Variants in ATOSB observed in about 807,000 individuals in gnomAD.
ATOSB encodes the protein atos homolog protein B.
the ATOSB span, chr9:35,105,977 C>G: frequency 6.2e-7 from 1 of 1,614,048 alleles, no homozygotes; most frequent in South Asian, 1.1e-5. This position sits in a 1 kb window ranked among gnomAD's most constrained non-coding sequence, Gnocchi z 5.5. Context: ...CGCTGTAACC[C>G]TTCCTCCCCA....
At chr9:35,114,583 G>A in the ATOSB span, among the ~76,000 whole-genome samples, 1 of 152,218 alleles carries the variant, frequency 6.6e-6, no homozygotes, top group African/African-American at 2.4e-5. Context: ...GCCCTCAAGA[G>A]AACTAGGTCC....
the ATOSB span, chr9:35,107,858 C>G: frequency 6.3e-7 from 1 of 1,598,136 alleles, no homozygotes; most frequent in East Asian, 2.2e-5. Flanking sequence ...GACTCCAGGC[C>G]CCCGAAGTCC....
the ATOSB span, chr9:35,115,975 A>T: frequency 1.4e-5 from 2 of 141,048 alleles, no homozygotes; most frequent in South Asian, 2.3e-4. Flanking sequence ...CCTTCTGTGG[A>T]CTTGTCCCTT....
chr9:35,106,433 A>C, the ATOSB span: 42 of 1,613,990 alleles, frequency 2.6e-5, no homozygotes, highest in Non-Finnish European at 3.6e-5. This position sits in a 1 kb window ranked among gnomAD's most constrained non-coding sequence, Gnocchi z 4.6. Flanking sequence ...TAGGGAAAAC[A>C]CATGAAGAGA....
At chr9:35,107,036 A>T in the ATOSB span, 1 of 758,946 alleles carries the variant, frequency 1.3e-6, no homozygotes, top group Non-Finnish European at 2.2e-6. Flanking sequence ...AGAGTACATG[A>T]AGGACAGGCG....
At chr9:35,115,187 A>C in the ATOSB span, among the ~76,000 whole-genome samples, 1 of 152,046 alleles carries the variant, frequency 6.6e-6, no homozygotes, top group East Asian at 1.9e-4. Context: ...GGACAGATCC[A>C]AAATAGACTG....
chr9:35,108,783 G>A, the ATOSB span: 18 of 677,250 alleles, frequency 2.7e-5, no homozygotes, highest in Non-Finnish European at 3.1e-5. Context: ...TGGAGCCAGC[G>A]GTAAGGCCTG....
At chr9:35,115,690 G>C in the ATOSB span, 3 of 149,130 alleles carry the variant, frequency 2.0e-5, no homozygotes, top group Non-Finnish European at 3.0e-5. Context: ...CACACATTGA[G>C]TCCCCAACTG....
chr9:35,106,609 G>C, the ATOSB span: 1 of 1,561,896 alleles, frequency 6.4e-7, no homozygotes, highest in Non-Finnish European at 8.7e-7. This position sits in a 1 kb window ranked among gnomAD's most constrained non-coding sequence, Gnocchi z 4.6. Flanking sequence ...GGGCTCAGCA[G>C]GCCTGGCCCC....
the ATOSB span, chr9:35,104,720 C>T: frequency 3.5e-6 from 1 of 288,306 alleles, no homozygotes; most frequent in Non-Finnish European, 7.7e-6. Context: ...CTTCCCTCAG[C>T]TGAGGGAAAG....
the ATOSB span, chr9:35,106,067 A>G: frequency 6.4e-7 from 1 of 1,562,906 alleles, no homozygotes; most frequent in South Asian, 1.2e-5. The surrounding 1 kb of genome is among the most constrained non-coding windows in gnomAD (Gnocchi z 4.6). Context: ...TGGGCCCTAA[A>G]CACATGTCCC....
chr9:35,112,854 G>T, the ATOSB span, among the ~76,000 whole-genome samples: 12 of 151,968 alleles, frequency 7.9e-5, no homozygotes, highest in Non-Finnish European at 1.5e-4. Flanking sequence ...GGGCCCTGAG[G>T]TTATATCACT....
chr9:35,112,241 G>A, the ATOSB span: 1 of 152,140 alleles, frequency 6.6e-6, no homozygotes, highest in African/African-American at 2.4e-5. Context: ...CTAAGATAGG[G>A]ATACATTTTA....
chr9:35,115,557 A>T, the ATOSB span: 2 of 110,264 alleles, frequency 1.8e-5, no homozygotes, highest in African/African-American at 3.6e-5. Flanking sequence ...CCCCTCATGT[A>T]CCTCCTCCAA....
chr9:35,108,627 C>T, the ATOSB span: 2 of 1,057,522 alleles, frequency 1.9e-6, no homozygotes, highest in Non-Finnish European at 2.3e-6. Context: ...AGCTGTGCGT[C>T]CCCTCTTCCC....
At chr9:35,110,454 C>T in the ATOSB span, 1 of 151,456 alleles carries the variant, frequency 6.6e-6, no homozygotes, top group African/African-American at 2.4e-5. Context: ...CTTATTAACC[C>T]CAGAGCCCTC....
the ATOSB span, chr9:35,106,413 G>T: frequency 6.2e-7 from 1 of 1,614,140 alleles, no homozygotes; most frequent in Non-Finnish European, 8.5e-7. This position sits in a 1 kb window ranked among gnomAD's most constrained non-coding sequence, Gnocchi z 4.6. Context: ...AATGATTCCT[G>T]GGATTAGGGT....
At chr9:35,106,802 G>A in the ATOSB span, 5 of 1,556,618 alleles carry the variant, frequency 3.2e-6, no homozygotes, top group Non-Finnish European at 4.4e-6. The surrounding 1 kb of genome is among the most constrained non-coding windows in gnomAD (Gnocchi z 4.6). Flanking sequence ...CATTCTCAGG[G>A]ACAGGGTAGA....
the ATOSB span, chr9:35,107,259 G>A: frequency 8.3e-7 from 1 of 1,198,018 alleles, no homozygotes; most frequent in South Asian, 1.6e-5. Flanking sequence ...GGAGGAGGAG[G>A]TTGCAGTCAG....
Sources: allele counts gnomAD v4.1 joint callset (sites outside exome capture counted in the v4.1 genomes callset), GRCh38; gene constraint gnomAD v4.1.1; non-coding constraint Gnocchi (gnomAD v3.1); transcripts MANE v1.5; gene names NCBI Gene and HGNC (gene_info 2026-07-23, HGNC 2026-07-21).